Variants in ZNF106 observed in about 807,000 individuals in gnomAD.
ZNF106 encodes the protein zinc finger protein 106, also known as SH3-domain binding protein 3.
ZNF106 carries 67 observed loss-of-function variants against 195.1 expected under a neutral mutation model. The observed-to-expected ratio is 0.34, with a 90% CI of 0.28 to 0.42. The LOEUF (loss-of-function observed/expected upper bound fraction) is 0.42. Ranked by LOEUF, ZNF106 falls within the 10% of genes least tolerant of loss-of-function variation. The pLI, the probability that ZNF106 is intolerant of heterozygous loss-of-function variation, is 1.00. For synonymous variants in ZNF106, 784 were observed against 818.6 expected (o/e 0.96, Z 0.72); for missense variants, 2,118 against 2,304.5 (o/e 0.92, Z 1.66).
At chr15:42,427,721 A>G (rs535155281) in intron 15 of ZNF106, 1 of 216,292 alleles carries the variant, frequency 4.6e-6, no homozygotes, top group African/African-American at 2.2e-5. Context: ...TTATGATGTC[A>G]TTCTTAAATT....
At chr15:42,449,736 T>G (rs372873863) in intron 5 of ZNF106, 35 bp downstream of exon 5, 267 of 1,565,628 alleles carry the variant, frequency 1.7e-4, no homozygotes, top group Middle Eastern at 1.1e-3. Context: ...TAAAAGAAAG[T>G]GAGGAAAAAA....
intron 3 of ZNF106, among the ~76,000 whole-genome samples, chr15:42,459,415 G>A (rs1308457489): frequency 6.6e-6 from 1 of 152,126 alleles, no homozygotes; most frequent in Non-Finnish European, 1.5e-5. Context: ...GGCAGAGGTT[G>A]TAGTAAGCTG....
intron 14 of ZNF106, among the ~76,000 whole-genome samples, chr15:42,431,483 T>A (rs2055046567): frequency 6.7e-6 from 1 of 149,050 alleles, no homozygotes; most frequent in Admixed American, 6.7e-5. Context: ...AACCTCCACC[T>A]CCCAGGTTCA....
intron 3 of ZNF106, among the ~76,000 whole-genome samples, chr15:42,458,052 G>C (rs2056288597): frequency 6.6e-6 from 1 of 152,176 alleles, no homozygotes. Flanking sequence ...GACTGGGTCA[G>C]CTGACTATGC....
intron 1 of ZNF106, among the ~76,000 whole-genome samples, chr15:42,487,863 G>A (rs1417402228): frequency 1.3e-5 from 2 of 152,114 alleles, no homozygotes; most frequent in Admixed American, 1.3e-4. Flanking sequence ...CCTCCACAGA[G>A]GATATTCTAT....
chr15:42,440,998 A>AAAAT (rs1567009198), intron 10 of ZNF106, among the ~76,000 whole-genome samples: 15 of 23,568 alleles, frequency 6.4e-4, no homozygotes, highest in African/African-American at 9.9e-4. Context: ...AAAAAAAAAA[A>AAAAT]ATATATATAT....
chr15:42,481,293 T>C (rs1172722253), intron 1 of ZNF106, among the ~76,000 whole-genome samples: 1 of 151,836 alleles, frequency 6.6e-6, no homozygotes, highest in Non-Finnish European at 1.5e-5. Context: ...ATAGTGCAGA[T>C]CTACTAGCAA....
chr15:42,485,673 C>T (rs1369996392), intron 1 of ZNF106, among the ~76,000 whole-genome samples: 1 of 151,750 alleles, frequency 6.6e-6, no homozygotes, highest in African/African-American at 2.4e-5. Flanking sequence ...TAGGCTCTGA[C>T]CACCTGAACA....
chr15:42,478,506 CTTTTTCTT>C lies in ZNF106; in HGVS notation c.-32-6193_-32-6186del, dbSNP rs1483162045. ...AAGCCATATTTTATTCAGATGTCCT[CTTTTTCTT>C]TTTTTTTTTTTTTTTTTTTGAGACA... is the stretch of plus-strand genomic sequence containing the variant. On this transcript the variant is annotated intron_variant, in intron 1 of 21. Transcript: ENST00000564754. 1.7e-3 allele frequency among the ~76,000 whole-genome samples: 208 copies of C among 120,574 alleles called. 3 individuals carry two copies. The highest frequency in any genetic ancestry group is 5.7e-3 in the African/African-American group (180 of 31,808). The allele number at this position is 120,574 out of a possible 152,430, so 79.1% of individuals were successfully genotyped here. A position where few individuals can be genotyped will look rare whatever the true frequency, so the allele number is the denominator to read the frequency against.
chr15:42,442,116 T>C lies in ZNF106; in HGVS notation c.3720A>G (p.Pro1240=). The change falls in exon 10 of 22, where the codon CCA becomes CCG. Residue 1240 remains proline (P), a synonymous_variant. Coordinates refer to ENST00000564754, the MANE Select transcript of ZNF106 (RefSeq NM_001366845.3). The stretch of plus-strand genomic sequence containing the variant: ...CCTTGGACACATTGCAGGCAGAGCT[T>C]GGTGGCACAGCATTCACATTCTCAT... ...EQDENVNAVP[P]SSACNVSKEL... 6.2e-7 allele frequency: 1 copy of C among 1,614,046 alleles called. No individual in the cohort carries two copies. The highest frequency in any genetic ancestry group is 1.1e-5 in the South Asian group (1 of 91,060).
chr15:42,461,977 C>A (rs760817140), intron 3 of ZNF106, among the ~76,000 whole-genome samples: 7 of 152,068 alleles, frequency 4.6e-5, no homozygotes, highest in Non-Finnish European at 1.0e-4. Context: ...TTCTTGCTAC[C>A]TGTTTGTCTT....
intron 2 of ZNF106, among the ~76,000 whole-genome samples, chr15:42,467,350 T>G (rs2056544304): frequency 6.6e-6 from 1 of 152,224 alleles, no homozygotes; most frequent in South Asian, 2.1e-4. Context: ...AAACATTTTC[T>G]CACTTGAACT....
Position 42,435,537 on chromosome 15 carries a change from C to A in ZNF106, c.4747-19G>T, listed in dbSNP as rs528473918. On this transcript the variant is annotated intron_variant, in intron 13 of 21. Transcript: ENST00000564754. Reference sequence around the variant, plus strand: ...TCCGACTCTAAAGTTTAAGCACAGACCAGATTATTACTTATGAGATATAGG... The same window carrying A: ...TCCGACTCTAAAGTTTAAGCACAGAACAGATTATTACTTATGAGATATAGG... The A allele has an allele frequency of 6.2e-7, 1 of 1,613,872 alleles. No homozygotes were observed. Among genetic ancestry groups the A allele is most frequent in the South Asian group, 1.1e-5 (1 of 91,068 alleles).
At chr15:42,469,643 A>T (rs1595488624) in intron 2 of ZNF106, among the ~76,000 whole-genome samples, 2 of 152,018 alleles carry the variant, frequency 1.3e-5, no homozygotes, top group Admixed American at 6.6e-5. Context: ...GGAGTTCAAG[A>T]TCAGTGTGGG....
intron 1 of ZNF106, among the ~76,000 whole-genome samples, chr15:42,473,561 T>C (rs903226050): frequency 2.0e-5 from 3 of 152,212 alleles, no homozygotes; most frequent in Admixed American, 6.5e-5. Flanking sequence ...GGCTCATTCA[T>C]TTCCATCAGG....
chr15:42,480,289 T>C (rs73402783), intron 1 of ZNF106, among the ~76,000 whole-genome samples: 16,959 of 152,228 alleles, frequency 0.11, 1,186 homozygotes, highest in African/African-American at 0.19. Context: ...ACTGACCTTT[T>C]ATTGTTATGA....
intron 1 of ZNF106, among the ~76,000 whole-genome samples, chr15:42,477,136 C>T (rs111604729): frequency 0.062 from 9,352 of 152,050 alleles, 425 homozygotes; most frequent in South Asian, 0.16. Flanking sequence ...TTTTCAAAGA[C>T]CAGTTTTGTC....
In ZNF106 at chr15:42,460,067, T is replaced by C. The variant is rs545434290; in HGVS notation, c.117-2909A>G. 3.9e-5 allele frequency among the ~76,000 whole-genome samples: 6 copies of C among 151,968 alleles called. No individual in the cohort carries two copies. In the East Asian group the frequency reaches 1.2e-3, roughly 29 times the overall value. ...CAAAAAAAAAAAAAAAGAAAATATTTTTGTCTTAAAACTCTCTAAAACTAT... is the reference window on the plus strand; with the variant it reads ...CAAAAAAAAAAAAAAAGAAAATATTCTTGTCTTAAAACTCTCTAAAACTAT... On this transcript the variant is annotated intron_variant, in intron 3 of 21. Transcript: ENST00000564754.
intron 2 of ZNF106, among the ~76,000 whole-genome samples, chr15:42,468,958 G>A (rs979518521): frequency 8.6e-5 from 13 of 151,960 alleles, no homozygotes; most frequent in African/African-American, 2.9e-4. Context: ...AGACGGAGGC[G>A]GGTGGATCAC....
Sources: allele counts gnomAD v4.1 joint callset (sites outside exome capture counted in the v4.1 genomes callset), GRCh38; gene constraint gnomAD v4.1.1; transcripts MANE v1.5; gene names NCBI Gene and HGNC (gene_info 2026-07-23, HGNC 2026-07-21).